The following PRKD1 variants were observed in gnomAD, a reference collection of about 807,000 sequenced individuals.
PRKD1 encodes serine/threonine-protein kinase D1.
Under a neutral mutation model 95.9 loss-of-function variants are expected in PRKD1, and 63 were observed. The ratio of observed to expected loss-of-function variants is 0.66; its 90% CI spans 0.54 to 0.81. PRKD1 has a LOEUF of 0.81. PRKD1 is among the 30% of genes least tolerant of loss of function. The probability of loss-of-function intolerance (pLI) is 0.00; values close to 1 mark genes in which losing one functional copy is unlikely to be tolerated. For missense variants in PRKD1, 1,048 were observed against 1,165.3 expected (o/e 0.90, Z 1.47); for synonymous variants, 425 against 423.1 (o/e 1.00, Z -0.05).
At chr14:29,633,739 T>C (rs115582888) in intron 8 of PRKD1, among the ~76,000 whole-genome samples, 2,450 of 152,280 alleles carry the variant, frequency 0.016, 58 homozygotes, top group African/African-American at 0.048. Flanking sequence ...TTCAATTGAG[T>C]CCTATAATAT....
intron 2 of PRKD1, among the ~76,000 whole-genome samples, chr14:29,679,847 C>A (rs1374554360): frequency 6.6e-6 from 1 of 151,768 alleles, no homozygotes; most frequent in Non-Finnish European, 1.5e-5. Context: ...CCTGCCTCAG[C>A]CTCCCAAGTA....
At chr14:29,651,267 A>C (rs193123197) in intron 4 of PRKD1, among the ~76,000 whole-genome samples, 1 of 152,372 alleles carries the variant, frequency 6.6e-6, no homozygotes, top group African/African-American at 2.4e-5. Flanking sequence ...CAATGAAATT[A>C]TATCACTCAA....
intron 1 of PRKD1, among the ~76,000 whole-genome samples, chr14:29,809,762 T>C (rs945608928): frequency 6.6e-6 from 1 of 152,234 alleles, no homozygotes; most frequent in South Asian, 2.1e-4. Context: ...TTTCTCCCTA[T>C]CAGTACTAAG....
In PRKD1 at chr14:29,661,480, G is replaced by A. The variant is rs572868722; in HGVS notation, c.696+2219C>T. Reference sequence around the variant, plus strand: ...AAGGGATATAGGCATGGTACTCCCCGTGTGCCTTGGTCGAGCAGGGTGCTT... The same window carrying A: ...AAGGGATATAGGCATGGTACTCCCCATGTGCCTTGGTCGAGCAGGGTGCTT... On this transcript the variant is annotated intron_variant, in intron 4 of 17. Coordinates refer to ENST00000331968, the MANE Select transcript of PRKD1 (RefSeq NM_002742.3). Among the ~76,000 whole-genome samples, 44 of 152,262 alleles carry A rather than the reference G, an allele frequency of 2.9e-4. No homozygotes were observed. In the South Asian group the frequency reaches 3.7e-3, roughly 13 times the overall value.
chr14:29,923,601 CT>C (rs1258235000), intron 1 of PRKD1, among the ~76,000 whole-genome samples: 1 of 152,108 alleles, frequency 6.6e-6, no homozygotes, highest in Non-Finnish European at 1.5e-5. Context: ...AGTGAGCTAT[CT>C]ACTTAAAATC....
intron 1 of PRKD1, chr14:29,811,954 T>C (rs1362430939): frequency 6.6e-6 from 1 of 152,102 alleles, no homozygotes; most frequent in African/African-American, 2.4e-5. Flanking sequence ...AATTGGACAA[T>C]AGTGAGATTA....
At chr14:29,729,789 A>G (rs1386705275) in intron 1 of PRKD1, among the ~76,000 whole-genome samples, 1 of 152,192 alleles carries the variant, frequency 6.6e-6, no homozygotes, top group African/African-American at 2.4e-5. Context: ...CATTTAATGC[A>G]ATAAATACTT....
intron 4 of PRKD1, among the ~76,000 whole-genome samples, chr14:29,660,793 CA>C (rs922000194): frequency 9.2e-5 from 14 of 151,798 alleles, no homozygotes; most frequent in Admixed American, 1.3e-4. Context: ...TACAGTTGCC[CA>C]AAAGTCCATA....
intron 12 of PRKD1, among the ~76,000 whole-genome samples, chr14:29,625,042 A>T (rs1049334292): frequency 6.6e-6 from 1 of 152,196 alleles, no homozygotes; most frequent in Non-Finnish European, 1.5e-5. Flanking sequence ...CTAATTACTC[A>T]AACTTTTTGG....
intron 2 of PRKD1, among the ~76,000 whole-genome samples, chr14:29,667,919 C>T (rs1882613483): frequency 7.0e-6 from 1 of 142,440 alleles, no homozygotes; most frequent in Non-Finnish European, 1.5e-5. Context: ...CCAATTTATG[C>T]TAGGTAAATT....
rs995689838 is a variant in PRKD1 at position 29,725,785 on chromosome 14, G to A, written c.265-111C>T. On this transcript the variant is annotated intron_variant, in intron 1 of 17. Coordinates refer to ENST00000331968, the MANE Select transcript of PRKD1 (RefSeq NM_002742.3). ...TAATTAGAAAAGTTCAAAGTATCTA[G>A]ATCATTAAAATATTTTAAAATTAAA... 1.3e-5 allele frequency: 13 copies of A among 1,033,490 alleles called. No individual in the cohort carries two copies. In the African/African-American group the frequency reaches 2.1e-4, roughly 17 times the overall value. 64.0% of individuals were successfully genotyped at this position (1,033,490 alleles called of 1,614,324 possible).
chr14:29,654,509 A>T (rs1351058729), intron 4 of PRKD1, among the ~76,000 whole-genome samples: 1 of 152,170 alleles, frequency 6.6e-6, no homozygotes, highest in Non-Finnish European at 1.5e-5. Flanking sequence ...TAGTGCTTTT[A>T]CAAATACGCA....
chr14:29,587,856 T>C (rs1353644908), intron 16 of PRKD1, among the ~76,000 whole-genome samples: 1 of 152,184 alleles, frequency 6.6e-6, no homozygotes, highest in Non-Finnish European at 1.5e-5. Context: ...AATTCCAGAA[T>C]CTTAAGTTGA....
chr14:29,726,583 A>G (rs1886156329), intron 1 of PRKD1, among the ~76,000 whole-genome samples: 1 of 152,186 alleles, frequency 6.6e-6, no homozygotes. Context: ...AGAAATGTCC[A>G]GAATCTAATA....
At chr14:29,726,442 T>C (rs1229373994) in intron 1 of PRKD1, among the ~76,000 whole-genome samples, 1 of 152,196 alleles carries the variant, frequency 6.6e-6, no homozygotes, top group East Asian at 1.9e-4. Context: ...TGCCATAAAT[T>C]GACATTTGTA....
intron 13 of PRKD1, among the ~76,000 whole-genome samples, chr14:29,622,580 T>G (rs1879348695): frequency 6.6e-6 from 1 of 152,008 alleles, no homozygotes; most frequent in South Asian, 2.1e-4. Flanking sequence ...TTTTTGTATT[T>G]TTAGTAGAGA....
chr14:29,888,352 T>A, intron 1 of PRKD1, among the ~76,000 whole-genome samples: 1 of 148,668 alleles, frequency 6.7e-6, no homozygotes, highest in African/African-American at 2.5e-5. Flanking sequence ...AAAGAGAAAA[T>A]AAAGAAAAAC....
At chr14:29,870,969 A>G (rs1176956572) in intron 1 of PRKD1, among the ~76,000 whole-genome samples, 1 of 152,238 alleles carries the variant, frequency 6.6e-6, no homozygotes, top group Non-Finnish European at 1.5e-5. Context: ...CTTTGTCAAT[A>G]TTCTAGTCCT....
rs188019547 is a variant in PRKD1, at chr14:29,711,936, G to A, written c.403+13600C>T. 2.7e-3 allele frequency among the ~76,000 whole-genome samples: 407 copies of A among 152,200 alleles called. 3 individuals are homozygous for A. Among genetic ancestry groups the A allele is most frequent in the Middle Eastern group, 6.8e-3 (2 of 294 alleles). The stretch of plus-strand genomic sequence containing the variant: ...TTTAAGTCTGTGAAATTCACATGAT[G>A]GAAGATCTCATGTGGGATCACCATT... On this transcript the variant is annotated intron_variant, in intron 2 of 17. Transcript: ENST00000331968.
Sources: gnomAD v4.1 joint callset for allele counts (sites outside exome capture counted in the v4.1 genomes callset) on GRCh38, gnomAD v4.1.1 for gene constraint, MANE v1.5 for transcripts, NCBI Gene and HGNC (gene_info 2026-07-23, HGNC 2026-07-21) for gene names.